RIBC2: variants seen among roughly 807,000 people sequenced by gnomAD.
RIBC2 encodes the protein RIB43A domain with coiled-coils 2.
A neutral mutation model predicts 44.3 loss-of-function variants in RIBC2; 40 were observed. The ratio of observed to expected loss-of-function variants is 0.90; its 90% CI spans 0.70 to 1.18. The LOEUF (loss-of-function observed/expected upper bound fraction) is 1.18, where lower values mean the gene tolerates loss of function less well. Ranked by LOEUF, RIBC2 falls within the 50% of genes most tolerant of loss-of-function variation. The pLI, the probability that RIBC2 is intolerant of heterozygous loss-of-function variation, is 0.00. For missense variants in RIBC2, 459 were observed against 485.5 expected (o/e 0.95, Z 0.51); for synonymous variants, 171 against 175.0 (o/e 0.98, Z 0.18).
chr22:45,427,442 A>G (rs1355145008), intron 5 of RIBC2, among the ~76,000 whole-genome samples: 1 of 152,254 alleles, frequency 6.6e-6, no homozygotes, highest in Non-Finnish European at 1.5e-5. Context: ...GAAGTCAAGG[A>G]AATGCGTTTA....
chr22:45,414,223 T>C, intron 1 of RIBC2, 99 bp from the exon 2 acceptor site: 2 of 1,494,268 alleles, frequency 1.3e-6, no homozygotes, highest in Non-Finnish European at 1.8e-6. Context: ...ACAACTCGTT[T>C]ACAGTGGGGC....
At chr22:45,429,392 C>T (rs557297761) in intron 5 of RIBC2, among the ~76,000 whole-genome samples, 1 of 152,212 alleles carries the variant, frequency 6.6e-6, no homozygotes, top group African/African-American at 2.4e-5. Context: ...AGAATCCTGG[C>T]AGGAGAGATC....
At position 45,414,339 on chromosome 22, in the gene RIBC2, G is replaced by A. The variant is rs1223852202; in HGVS notation, c.147G>A (p.Trp49Ter). Residue 49 changes from tryptophan (W) to a stop codon, truncating the protein, a stop_gained, in exon 2 of 7, where the codon TGG becomes TGA. Coordinates refer to ENST00000614167, the MANE Select transcript of RIBC2 (RefSeq NM_015653.5). LOFTEE classifies it high-confidence loss of function. ...ATTTATAGGGAGACACTGAAGCCTG[G>A]GATGTTCAAGTTCATGACCAGAAGA... ...NRIIGGDTEA[W>*]DVQVHDQKIK... The A allele has an allele frequency of 6.4e-7, 1 of 1,550,840 alleles. No homozygotes were observed. Among genetic ancestry groups the A allele is most frequent in the Admixed American group, 2.0e-5 (1 of 50,822 alleles).
chr22:45,424,386 C>T (rs1323591429), intron 4 of RIBC2, among the ~76,000 whole-genome samples: 1 of 88,864 alleles, frequency 1.1e-5, no homozygotes, highest in Non-Finnish European at 1.9e-5. Context: ...AGCCCGACCA[C>T]ACGGGGTGCA....
chr22:45,432,204 G>A (rs1160272362), intron 6 of RIBC2, 80 bp from the exon 7 acceptor site: 26 of 697,600 alleles, frequency 3.7e-5, no homozygotes, highest in Admixed American at 1.3e-4. Context: ...AAGTTTGTGT[G>A]CCTTTTCAAA....
rs2087440423 is a variant in RIBC2, at chr22:45,417,834, A to G, written c.444A>G (p.Gly148=). 6.2e-7 allele frequency: 1 copy of G among 1,614,220 alleles called. No homozygotes were observed. The highest frequency in any genetic ancestry group is 8.5e-7 in the Non-Finnish European group (1 of 1,180,022). The change falls in exon 3 of 7, where the codon GGA becomes GGG. Residue 148 remains glycine, a synonymous_variant. Coordinates refer to ENST00000614167, the MANE Select transcript of RIBC2 (RefSeq NM_015653.5). The part of the protein sequence containing the change: ...NTISGMQKFM[G]EDLNFHERKK... ...TATCAGGAATGCAGAAATTCATGGGAGAGGATTTAAACTTCCATGAGAGGA... is the reference window on the plus strand; with the variant it reads ...TATCAGGAATGCAGAAATTCATGGGGGAGGATTTAAACTTCCATGAGAGGA...
intron 4 of RIBC2, chr22:45,422,622 G>C (rs879715212): frequency 5.5e-6 from 3 of 549,974 alleles, no homozygotes; most frequent in Non-Finnish European, 9.8e-6. Context: ...AGGGAAACCT[G>C]CCAAACTAGC....
chr22:45,426,948 C>T (rs780296425), intron 5 of RIBC2, among the ~76,000 whole-genome samples: 9 of 151,724 alleles, frequency 5.9e-5, no homozygotes, highest in African/African-American at 1.7e-4. Flanking sequence ...GAGTTAAAGG[C>T]GACTCTAGGT....
intron 6 of RIBC2, among the ~76,000 whole-genome samples, chr22:45,431,650 T>G (rs527384237): frequency 6.6e-6 from 1 of 152,298 alleles, no homozygotes; most frequent in East Asian, 1.9e-4. Flanking sequence ...TTATCACTTC[T>G]GCTGAAGGCC....
At chr22:45,414,493 T>C in intron 2 of RIBC2, 90 bp downstream of exon 2, 2 of 822,194 alleles carry the variant, frequency 2.4e-6, no homozygotes, top group Non-Finnish European at 3.7e-6. Context: ...CCCGCCTTTT[T>C]TTTTTTATTT....
Position 45,422,617 on chromosome 22 carries a change from A to C in RIBC2, c.675+209A>C, listed in dbSNP as rs186519452. On this transcript the variant is annotated intron_variant, in intron 4 of 6. Coordinates refer to ENST00000614167, the MANE Select transcript of RIBC2 (RefSeq NM_015653.5). ...GCCTTAGCTCTGAATCTTGGAGGGA[A>C]ACCTGCCAAACTAGCCATGTAACCT... The C allele has an allele frequency of 1.3e-4, 75 of 558,740 alleles. No homozygotes were observed. The East Asian group carries it at 2.3e-3, about 17-fold the overall frequency. 34.6% of individuals were successfully genotyped at this position (558,740 alleles called of 1,614,324 possible).
intron 4 of RIBC2, among the ~76,000 whole-genome samples, chr22:45,423,048 C>G (rs1440851216): frequency 6.6e-6 from 1 of 152,152 alleles, no homozygotes; most frequent in Non-Finnish European, 1.5e-5. Flanking sequence ...GTGGCACGAT[C>G]ATGGCTCACC....
chr22:45,418,456 T>C (rs2087447446), intron 3 of RIBC2, among the ~76,000 whole-genome samples: 1 of 152,080 alleles, frequency 6.6e-6, no homozygotes, highest in South Asian at 2.1e-4. Context: ...AAACAGCCTC[T>C]CATTGAGGGA....
chr22:45,421,676 CTAAG>C (rs2087486643), intron 3 of RIBC2, among the ~76,000 whole-genome samples: 1 of 151,304 alleles, frequency 6.6e-6, no homozygotes, highest in Non-Finnish European at 1.5e-5. Context: ...CTCAGCAAGG[CTAAG>C]TAATAGTTGA....
In RIBC2 at chr22:45,419,254, G is replaced by C. The variant is rs531012062; in HGVS notation, c.556+1308G>C. Among the ~76,000 whole-genome samples the C allele has an allele frequency of 2.0e-5, 3 of 152,292 alleles. No homozygotes were observed. In the East Asian group the frequency reaches 5.8e-4, roughly 29 times the overall value. On this transcript the variant is annotated intron_variant, in intron 3 of 6. Coordinates refer to ENST00000614167, the MANE Select transcript of RIBC2 (RefSeq NM_015653.5). Reference sequence around the variant, plus strand: ...CTTCTCTTGGATGTCTAATGCACTTGTCAAGATCAGCACGAGTCCAATAAC... The same window carrying C: ...CTTCTCTTGGATGTCTAATGCACTTCTCAAGATCAGCACGAGTCCAATAAC...
Position 45,426,598 on chromosome 22 carries a change from G to A in RIBC2, c.903+423G>A, listed in dbSNP as rs144464400. On this transcript the variant is annotated intron_variant, in intron 5 of 6. Coordinates refer to ENST00000614167, the MANE Select transcript of RIBC2 (RefSeq NM_015653.5). ...AGGTACGGAGGCCTCAGAGGCAGAC[G>A]GTCGAGGTCCTGGCAGTCCACTGGG... Among the ~76,000 whole-genome samples the A allele has an allele frequency of 6.5e-3, 983 of 152,336 alleles. 14 individuals are homozygous for A. Among genetic ancestry groups the A allele is most frequent in the African/African-American group, 0.023 (936 of 41,580 alleles).
chr22:45,423,320 C>A (rs771915530), intron 4 of RIBC2, among the ~76,000 whole-genome samples: 12 of 152,084 alleles, frequency 7.9e-5, no homozygotes, highest in East Asian at 5.8e-4. Context: ...TCCCTCCCCC[C>A]ACAAGGTTTT....
rs1602119505 is a variant in RIBC2, at chr22:45,426,031, T to A, written c.759T>A (p.Arg253=). The change falls in exon 5 of 7, where the codon CGT becomes CGA. Residue 253 remains arginine (R), a synonymous_variant. Transcript: ENST00000614167. ...DNLAEITNLL[R]GDLLSENPQQ... The stretch of plus-strand genomic sequence containing the variant: ...TGGCCGAGATCACCAACCTCCTGCG[T>A]GGGGACCTGCTCTCCGAGAACCCGC... The A allele has an allele frequency of 6.2e-7, 1 of 1,614,062 alleles. No individual in the cohort carries two copies. The highest frequency in any genetic ancestry group is 2.2e-5 in the East Asian group (1 of 44,876).
chr22:45,431,026 G>T lies in RIBC2; in HGVS notation c.1030G>T (p.Asp344Tyr), dbSNP rs1190051652. Residue 344 changes from aspartate (D) to tyrosine (Y), a missense_variant, in exon 6 of 7, where the codon GAC (aspartate) becomes TAC (tyrosine). Coordinates refer to ENST00000614167, the MANE Select transcript of RIBC2 (RefSeq NM_015653.5). ...RRQRDLRRALDSSNLSLAKEQ... is the reference protein window; with the variant it reads ...RRQRDLRRALYSSNLSLAKEQ... ...GCAGCGCGACCTGCGCAGAGCTCTGGACAGCAGCAACCTCAGCCTGGCCAA... is the reference window on the plus strand; with the variant it reads ...GCAGCGCGACCTGCGCAGAGCTCTGTACAGCAGCAACCTCAGCCTGGCCAA... 1 of 1,586,198 alleles carries T rather than the reference G, an allele frequency of 6.3e-7. No homozygotes were observed. The highest frequency in any genetic ancestry group is 8.6e-7 in the Non-Finnish European group (1 of 1,166,792).
Sources: gnomAD v4.1 joint callset for allele counts (sites outside exome capture counted in the v4.1 genomes callset) on GRCh38, gnomAD v4.1.1 for gene constraint, MANE v1.5 for transcripts, NCBI Gene and HGNC (gene_info 2026-07-23, HGNC 2026-07-21) for gene names.